Variants in ZNF407 observed in about 807,000 individuals in gnomAD.
ZNF407 encodes zinc finger protein 407.
A neutral mutation model predicts 131.2 loss-of-function variants in ZNF407; 17 were observed. That is an observed-to-expected ratio of 0.13 (90% confidence interval 0.09 to 0.19). ZNF407 has a LOEUF of 0.19. Among genes scored for constraint, ZNF407 ranks in the 10% least tolerant of loss-of-function variants. The pLI is 1.00. For missense variants in ZNF407, 2,681 were observed against 2,830.6 expected, an observed-to-expected ratio of 0.95 and a Z score of 1.20; for synonymous variants, 1,156 against 1,062.0, an observed-to-expected ratio of 1.09 and a Z score of -1.72.
chr18:74,980,012 G>C (rs1383433799), intron 8 of ZNF407, among the ~76,000 whole-genome samples: 1 of 151,940 alleles, frequency 6.6e-6, no homozygotes, highest in Non-Finnish European at 1.5e-5. Flanking sequence ...GTCGCAAAGG[G>C]AGAAATACTG....
intron 1 of ZNF407, among the ~76,000 whole-genome samples, chr18:74,608,955 G>A (rs1406664862): frequency 1.3e-5 from 2 of 152,018 alleles, no homozygotes; most frequent in Non-Finnish European, 2.9e-5. Context: ...TGTGATTAAT[G>A]ACTCATTTTT....
In ZNF407 at chr18:74,632,598, T is replaced by G; in HGVS notation, c.1579T>G (p.Leu527Val). The change falls in exon 2 of 9, where the codon TTG (leucine) becomes GTG (valine). Residue 527 changes from leucine (L) to valine (V), a missense_variant. By Grantham distance (32) the Leu-to-Val change is conservative (BLOSUM62 1). This residue lies in a region of ZNF407 where 1,789 missense variants were observed against 1,748.7 expected (regional missense o/e 1.02). Coordinates refer to ENST00000299687, the MANE Select transcript of ZNF407 (RefSeq NM_017757.3). Reference protein sequence around the residue: ...TVKPASGSQTLCACTDCGQVA... With the variant: ...TVKPASGSQTVCACTDCGQVA... ...GAAGCCAGCTTCTGGCTCTCAGACGTTGTGTGCTTGTACAGACTGTGGGCA... is the reference window on the plus strand; with the variant it reads ...GAAGCCAGCTTCTGGCTCTCAGACGGTGTGTGCTTGTACAGACTGTGGGCA... 1 of 1,613,986 alleles carries G rather than the reference T, an allele frequency of 6.2e-7. No homozygotes were observed. The highest frequency in any genetic ancestry group is 8.5e-7 in the Non-Finnish European group (1 of 1,179,890).
chr18:74,798,036 A>G (rs1173967915), intron 4 of ZNF407, among the ~76,000 whole-genome samples: 1 of 152,162 alleles, frequency 6.6e-6, no homozygotes, highest in African/African-American at 2.4e-5. Context: ...GGAAAGGCGC[A>G]AACGCATTTA....
intron 3 of ZNF407, among the ~76,000 whole-genome samples, chr18:74,678,768 A>G (rs185339278): frequency 2.4e-4 from 36 of 152,340 alleles, no homozygotes; most frequent in Middle Eastern, 3.4e-3. Context: ...TATTTTGGAA[A>G]TCTGACTTAA....
At chr18:74,707,068 A>G (rs1967643859) in intron 3 of ZNF407, among the ~76,000 whole-genome samples, 1 of 150,826 alleles carries the variant, frequency 6.6e-6, no homozygotes, top group Non-Finnish European at 1.5e-5. Flanking sequence ...CTCCTGCCTT[A>G]GTCTCCAGAG....
At chr18:74,901,478 C>T (rs1355903152) in intron 7 of ZNF407, among the ~76,000 whole-genome samples, 3 of 152,132 alleles carry the variant, frequency 2.0e-5, no homozygotes, top group East Asian at 1.9e-4. Flanking sequence ...CTTCTAGCAT[C>T]GGTGACAATG....
chr18:74,676,254 G>A (rs1341240051), intron 3 of ZNF407, among the ~76,000 whole-genome samples: 1 of 151,756 alleles, frequency 6.6e-6, no homozygotes, highest in African/African-American at 2.4e-5. Flanking sequence ...GCCACGCCCG[G>A]CTAATTTTTT....
chr18:75,020,316 A>G (rs1242426340), intron 8 of ZNF407, among the ~76,000 whole-genome samples: 13 of 149,764 alleles, frequency 8.7e-5, no homozygotes, highest in Admixed American at 8.6e-4. Context: ...GTGTATGTGC[A>G]TGTGTGTGTG....
intron 4 of ZNF407, among the ~76,000 whole-genome samples, chr18:74,800,684 GA>G (rs1172463514): frequency 6.6e-6 from 1 of 152,064 alleles, no homozygotes; most frequent in Non-Finnish European, 1.5e-5. Context: ...TTTCTCATTG[GA>G]AGCATATATA....
intron 7 of ZNF407, among the ~76,000 whole-genome samples, chr18:74,916,088 T>G (rs1971755295): frequency 2.9e-4 from 1 of 3,430 alleles, no homozygotes; most frequent in Non-Finnish European, 4.7e-4. Context: ...GCTGGTATGG[T>G]GAGGTTGTGT....
Position 74,987,045 on chromosome 18 carries a change from G to A in ZNF407, c.5428+66353G>A, listed in dbSNP as rs114359763. On this transcript the variant is annotated intron_variant, in intron 8 of 8. Transcript: ENST00000299687. ...CTTTTTAAAAATATTTTTTATTCTCGATGGGCAACCCCAACACCAGACATT... is the reference window on the plus strand; with the variant it reads ...CTTTTTAAAAATATTTTTTATTCTCAATGGGCAACCCCAACACCAGACATT... Among the ~76,000 whole-genome samples, 1,472 of 151,886 alleles carry A rather than the reference G, an allele frequency of 9.7e-3. 16 individuals are homozygous for A. The highest frequency in any genetic ancestry group is 0.028 in the African/African-American group (1,139 of 41,390).
At chr18:74,852,476 T>G (rs1970803218) in intron 4 of ZNF407, among the ~76,000 whole-genome samples, 1 of 152,036 alleles carries the variant, frequency 6.6e-6, no homozygotes, top group East Asian at 1.9e-4. Context: ...GAATGAAGAC[T>G]ATATAATATA....
At chr18:74,825,073 A>T (rs892829555) in intron 4 of ZNF407, among the ~76,000 whole-genome samples, 1 of 152,200 alleles carries the variant, frequency 6.6e-6, no homozygotes, top group Non-Finnish European at 1.5e-5. Context: ...AAATCAATAA[A>T]TGTAATCCAT....
intron 4 of ZNF407, among the ~76,000 whole-genome samples, chr18:74,820,918 A>G (rs1191927028): frequency 3.9e-5 from 6 of 152,062 alleles, no homozygotes; most frequent in Non-Finnish European, 8.8e-5. Flanking sequence ...AGGGAGAGTG[A>G]TACTCTACAA....
intron 8 of ZNF407, among the ~76,000 whole-genome samples, chr18:75,052,362 T>G (rs1386720862): frequency 6.6e-6 from 1 of 152,088 alleles, no homozygotes; most frequent in Non-Finnish European, 1.5e-5. Flanking sequence ...AATATTACGA[T>G]GAGCCATTTT....
chr18:74,883,186 C>T (rs1307903768), intron 6 of ZNF407, among the ~76,000 whole-genome samples: 1 of 152,168 alleles, frequency 6.6e-6, no homozygotes, highest in Non-Finnish European at 1.5e-5. Flanking sequence ...GTCTTTTTGG[C>T]ATTTATCTGC....
intron 8 of ZNF407, among the ~76,000 whole-genome samples, chr18:74,999,410 G>A (rs912719268): frequency 5.6e-5 from 8 of 142,888 alleles, no homozygotes; most frequent in African/African-American, 2.1e-4. Context: ...TTTGAAAGTT[G>A]TAGGTTTATT....
chr18:74,783,259 C>T (rs1348115080), intron 4 of ZNF407, among the ~76,000 whole-genome samples: 1 of 152,072 alleles, frequency 6.6e-6, no homozygotes, highest in Non-Finnish European at 1.5e-5. Context: ...GGAACTGTTA[C>T]TTTTCTGACT....
At chr18:74,951,384 T>C (rs978141559) in intron 8 of ZNF407, among the ~76,000 whole-genome samples, 2 of 152,314 alleles carry the variant, frequency 1.3e-5, no homozygotes, top group Middle Eastern at 3.4e-3. Flanking sequence ...TAAGTCAACA[T>C]TGTCCCTCTG....
Sources: allele counts gnomAD v4.1 joint callset (sites outside exome capture counted in the v4.1 genomes callset), GRCh38; gene constraint gnomAD v4.1.1; regional missense constraint gnomAD v4.1.1; transcripts MANE v1.5; gene names NCBI Gene and HGNC (gene_info 2026-07-23, HGNC 2026-07-21).